FAAH2: variants seen among roughly 807,000 people sequenced by gnomAD.
The protein encoded by FAAH2 is fatty acid amide hydrolase 2.
FAAH2 carries 60 observed loss-of-function variants against 36.9 expected under a neutral mutation model. The observed-to-expected ratio is 1.63, with a 90% CI of 1.32 to 2.02. The LOEUF (loss-of-function observed/expected upper bound fraction) is 2.02, where lower values mean the gene tolerates loss of function less well. Among genes scored for constraint, FAAH2 ranks in the 30% most tolerant of loss-of-function variants. The probability of loss-of-function intolerance (pLI) is 0.00; values close to 1 mark genes in which losing one functional copy is unlikely to be tolerated. For synonymous variants in FAAH2, 214 were observed against 143.8 expected, an observed-to-expected ratio of 1.49 and a Z score of -3.49; for missense variants, 689 against 397.5, an observed-to-expected ratio of 1.73 and a Z score of -6.23.
At chrX:57,316,670 T>A (rs182270351) in intron 3 of FAAH2, among the ~76,000 whole-genome samples, 1 of 109,562 alleles carries the variant, frequency 9.1e-6, no homozygotes, top group East Asian at 2.9e-4. Flanking sequence ...TCACTAGCCA[T>A]GTACAGAAGA....
At chrX:57,218,560 T>A in the FAAH2 span, among the ~76,000 whole-genome samples, 1 of 112,197 alleles carries the variant, frequency 8.9e-6, no homozygotes, top group East Asian at 2.8e-4. Context: ...CACTTGATTG[T>A]GGTGGATTAC....
chrX:57,272,059 T>C, the FAAH2 span, among the ~76,000 whole-genome samples: 2 of 108,483 alleles, frequency 1.8e-5, no homozygotes, highest in African/African-American at 6.7e-5. Context: ...GAAGAACATA[T>C]ATGATCTGAT....
chrX:57,301,220 C>G (rs1311514093), intron 2 of FAAH2, among the ~76,000 whole-genome samples: 1 of 109,780 alleles, frequency 9.1e-6, no homozygotes, highest in Non-Finnish European at 1.9e-5. Context: ...CCGAAATGTC[C>G]AAAAATGATA....
At chrX:57,354,716 G>T (rs1240651204) in intron 5 of FAAH2, among the ~76,000 whole-genome samples, 5 of 110,514 alleles carry the variant, frequency 4.5e-5, no homozygotes, top group African/African-American at 1.6e-4. Flanking sequence ...AGAAAATTGA[G>T]ATAAAAAGAC....
intron 2 of FAAH2, among the ~76,000 whole-genome samples, chrX:57,305,399 A>T (rs2052493574): frequency 9.0e-6 from 1 of 111,634 alleles, no homozygotes; most frequent in Non-Finnish European, 1.9e-5. Flanking sequence ...CTAATATTTT[A>T]TAAGAGTTCT....
chrX:57,182,258 C>T, the FAAH2 span, among the ~76,000 whole-genome samples: 1 of 111,756 alleles, frequency 8.9e-6, no homozygotes, highest in Non-Finnish European at 1.9e-5. Flanking sequence ...AGCTTTTCCA[C>T]AGAAAAATAA....
the FAAH2 span, among the ~76,000 whole-genome samples, chrX:57,163,014 G>C: frequency 9.8e-5 from 11 of 112,054 alleles, no homozygotes; most frequent in Admixed American, 1.0e-3. Context: ...GGTCTTTGAT[G>C]ATGGTGATGT....
At chrX:57,279,620 CA>C in the FAAH2 span, among the ~76,000 whole-genome samples, 2 of 111,126 alleles carry the variant, frequency 1.8e-5, no homozygotes, top group African/African-American at 6.5e-5. Context: ...AGAACCACAA[CA>C]AAAAAAGAAA....
the FAAH2 span, among the ~76,000 whole-genome samples, chrX:57,236,806 G>A: frequency 3.6e-5 from 4 of 111,131 alleles, no homozygotes; most frequent in African/African-American, 1.3e-4. Context: ...TCTGTAAGTT[G>A]CCTCTTTGCT....
chrX:57,124,956 A>C, the FAAH2 span, among the ~76,000 whole-genome samples: 1 of 112,218 alleles, frequency 8.9e-6, no homozygotes, highest in African/African-American at 3.3e-5. Context: ...GCAAACAGGC[A>C]TAATTTGACT....
At chrX:57,367,966 T>A (rs1418994786) in intron 5 of FAAH2, among the ~76,000 whole-genome samples, 1 of 111,893 alleles carries the variant, frequency 8.9e-6, no homozygotes, top group Non-Finnish European at 1.9e-5. Flanking sequence ...ACTGCTATAT[T>A]GTGTCTTGCT....
the FAAH2 span, among the ~76,000 whole-genome samples, chrX:57,154,340 T>C: frequency 1.9e-3 from 204 of 107,052 alleles, no homozygotes; most frequent in African/African-American, 6.8e-3. Context: ...TCTCGGCTCA[T>C]TGCAACCTTT....
At chrX:57,461,082 A>G (rs1399474139) in intron 10 of FAAH2, among the ~76,000 whole-genome samples, 2 of 111,146 alleles carry the variant, frequency 1.8e-5, no homozygotes, top group Non-Finnish European at 3.8e-5. Flanking sequence ...AAAATGATCA[A>G]TGTAAAAAGA....
chrX:57,166,014 A>C, the FAAH2 span, among the ~76,000 whole-genome samples: 3 of 111,304 alleles, frequency 2.7e-5, no homozygotes, highest in East Asian at 8.5e-4. Context: ...GGAAGAACAC[A>C]CAGGTGGCTG....
chrX:57,395,027 C>G, intron 7 of FAAH2: 1 of 560,672 alleles, frequency 1.8e-6, no homozygotes, highest in Non-Finnish European at 3.3e-6. Context: ...TTTCCCAGCA[C>G]TGATGCTAGT....
intron 7 of FAAH2, among the ~76,000 whole-genome samples, chrX:57,410,375 C>A (rs1038191983): frequency 9.0e-6 from 1 of 110,877 alleles, no homozygotes; most frequent in East Asian, 2.8e-4. Flanking sequence ...CCAGTTGGGT[C>A]GATTTGTTCT....
the FAAH2 span, among the ~76,000 whole-genome samples, chrX:57,172,704 C>T: frequency 0.03 from 3,395 of 111,645 alleles, 110 homozygotes; most frequent in African/African-American, 0.11. Context: ...TGGTTTTCTC[C>T]TAGAGTCAGG....
intron 10 of FAAH2, among the ~76,000 whole-genome samples, chrX:57,458,150 C>T (rs1342432113): frequency 9.0e-6 from 1 of 111,391 alleles, no homozygotes; most frequent in Non-Finnish European, 1.9e-5. Context: ...CTGCCACCTA[C>T]AACCATCTGA....
intron 7 of FAAH2, chrX:57,381,563 G>T: frequency 1.5e-6 from 1 of 687,592 alleles, no homozygotes; most frequent in South Asian, 7.5e-5. Flanking sequence ...TTACGTGGAA[G>T]CAATGGAAGA....
Sources: allele counts gnomAD v4.1 joint callset (sites outside exome capture counted in the v4.1 genomes callset), GRCh38; gene constraint gnomAD v4.1.1; transcripts MANE v1.5; gene names NCBI Gene and HGNC (gene_info 2026-07-23, HGNC 2026-07-21).